The following C7 variants were observed in gnomAD, a reference collection of about 807,000 sequenced individuals.
C7 encodes the protein complement component C7.
A neutral mutation model predicts 104.8 loss-of-function variants in C7; 83 were observed. The ratio of observed to expected loss-of-function variants is 0.79; its 90% CI spans 0.66 to 0.95. The LOEUF (loss-of-function observed/expected upper bound fraction) is 0.95. Ranked by LOEUF, C7 falls within the 40% of genes least tolerant of loss-of-function variation. The pLI is 0.00. For missense variants in C7, 1,070 were observed against 1,011.2 expected, an observed-to-expected ratio of 1.06 and a Z score of -0.79; for synonymous variants, 415 against 360.6, an observed-to-expected ratio of 1.15 and a Z score of -1.71.
chr5:40,959,356 CT>C, intron 11 of C7, 92 bp from the exon 12 acceptor site: 1 of 1,132,612 alleles, frequency 8.8e-7, no homozygotes, highest in Non-Finnish European at 1.3e-6. Context: ...AGAATGATCT[CT>C]TCCTCCAATT....
At chr5:40,954,194 C>A (rs1361982067) in intron 9 of C7, among the ~76,000 whole-genome samples, 5 of 152,062 alleles carry the variant, frequency 3.3e-5, no homozygotes, top group African/African-American at 1.2e-4. Context: ...TGTTAGTATA[C>A]CAGATGCAAT....
intron 15 of C7, among the ~76,000 whole-genome samples, chr5:40,972,889 T>A (rs781457375): frequency 1.3e-5 from 2 of 152,244 alleles, no homozygotes; most frequent in African/African-American, 2.4e-5. Flanking sequence ...AAAGGATTTT[T>A]AAAATCTGTT....
At chr5:40,980,546 T>C (rs1740920525) in intron 17 of C7, among the ~76,000 whole-genome samples, 1 of 152,260 alleles carries the variant, frequency 6.6e-6, no homozygotes, top group African/African-American at 2.4e-5. Flanking sequence ...TAAGTAGTAC[T>C]TACAGTGATC....
chr5:40,965,131 C>T (rs185222551), intron 14 of C7, among the ~76,000 whole-genome samples: 5 of 152,292 alleles, frequency 3.3e-5, no homozygotes, highest in Admixed American at 3.3e-4. Context: ...AGGGAATTCT[C>T]TTTAGATGAA....
At position 40,979,797 on chromosome 5, in the gene C7, T is replaced by C; in HGVS notation, c.2238T>C (p.His746=). The part of the protein sequence containing the change: ...RILPLTVCKM[H]VLHCQGRNYT... ...TGCCTCTGACAGTTTGCAAGATGCA[T>C]GTTCTCCACTGTCAGGGTAGAAATT... The change falls in exon 17 of 18, where the codon CAT becomes CAC. Residue 746 remains histidine (H), a synonymous_variant. Transcript: ENST00000313164. 9.3e-6 allele frequency: 15 copies of C among 1,613,730 alleles called. No homozygotes were observed. The highest frequency in any genetic ancestry group is 1.3e-5 in the Non-Finnish European group (15 of 1,179,686).
chr5:40,978,797 T>C (rs949923053), intron 16 of C7, among the ~76,000 whole-genome samples: 1 of 151,744 alleles, frequency 6.6e-6, no homozygotes, highest in African/African-American at 2.4e-5. Context: ...TTTCTGATAG[T>C]GACATTTCTA....
At chr5:40,931,296 T>C (rs1033455306) in intron 3 of C7, among the ~76,000 whole-genome samples, 157 bp downstream of exon 3, 17 of 152,254 alleles carry the variant, frequency 1.1e-4, no homozygotes, top group Non-Finnish European at 7.3e-5. Context: ...ACTTGTTTAA[T>C]AATTAATATG....
chr5:40,946,642 G>A (rs2455311), intron 7 of C7, among the ~76,000 whole-genome samples: 71,370 of 151,938 alleles, frequency 0.47, 17,468 homozygotes, highest in African/African-American at 0.63. Flanking sequence ...ATACCTACAA[G>A]TCATTGTCAA....
In C7 at chr5:40,955,387, G is replaced by A. The variant is rs201524102; in HGVS notation, c.1094G>A (p.Gly365Glu). The A allele has an allele frequency of 2.5e-6, 4 of 1,596,342 alleles. No homozygotes were observed. The highest frequency in any genetic ancestry group is 2.3e-5 in the East Asian group (1 of 43,730). Residue 365 changes from glycine (G) to glutamate (E), a missense_variant and splice_region_variant, in exon 10 of 18, where the codon GGA (glycine) becomes GAA (glutamate). Coordinates refer to ENST00000313164, the MANE Select transcript of C7 (RefSeq NM_000587.4). ...ELENALKAASGTQNNVLRGEP... is the reference protein window; with the variant it reads ...ELENALKAASETQNNVLRGEP... ...TTTTCATTTGCTTTCTTCTGTATAG[G>A]AACCCAGAACAATGTATTGCGAGGA...
chr5:40,952,728 A>G (rs1161878824), intron 9 of C7, among the ~76,000 whole-genome samples: 1 of 151,310 alleles, frequency 6.6e-6, no homozygotes, highest in South Asian at 2.1e-4. Flanking sequence ...CCCACCTGTG[A>G]GTGAGAACAT....
chr5:40,983,385 C>G lies in C7; in HGVS notation c.*1812C>G, dbSNP rs1346567832. On this transcript the variant is annotated 3_prime_UTR_variant, in exon 18 of 18. Transcript: ENST00000313164. ...TAAATAATACAGAGGATATGGTCAGCATTATCACATATCATCAGAGATTGA... is the reference window on the plus strand; with the variant it reads ...TAAATAATACAGAGGATATGGTCAGGATTATCACATATCATCAGAGATTGA... Among the ~76,000 whole-genome samples, 1 of 152,090 alleles carries G rather than the reference C, an allele frequency of 6.6e-6. No individual in the cohort carries two copies. Among genetic ancestry groups the G allele is most frequent in the Non-Finnish European group, 1.5e-5 (1 of 68,030 alleles).
At chr5:40,954,343 T>C (rs577462786) in intron 9 of C7, among the ~76,000 whole-genome samples, 1 of 152,180 alleles carries the variant, frequency 6.6e-6, no homozygotes, top group Non-Finnish European at 1.5e-5. Flanking sequence ...CATATAATAT[T>C]GATAATATTG....
intron 1 of C7, among the ~76,000 whole-genome samples, chr5:40,915,255 A>C (rs1050343868): frequency 6.6e-6 from 1 of 152,042 alleles, no homozygotes; most frequent in Non-Finnish European, 1.5e-5. Context: ...ATTCTGTTTT[A>C]CTCTTGTCTC....
chr5:40,935,924 G>T (rs753473337), intron 4 of C7, among the ~76,000 whole-genome samples: 1 of 152,116 alleles, frequency 6.6e-6, no homozygotes, highest in Non-Finnish European at 1.5e-5. Context: ...TGATAAAATT[G>T]TCCGGCTCTT....
intron 1 of C7, among the ~76,000 whole-genome samples, chr5:40,917,933 T>A (rs185748678): frequency 2.6e-5 from 4 of 152,224 alleles, no homozygotes; most frequent in African/African-American, 7.2e-5. Flanking sequence ...AAATATAAAC[T>A]GTTTGACGGG....
At chr5:40,973,098 T>C (rs980034749) in intron 15 of C7, among the ~76,000 whole-genome samples, 1 of 152,162 alleles carries the variant, frequency 6.6e-6, no homozygotes. Flanking sequence ...AGGAAAAGTG[T>C]TGTGATTCAT....
At position 40,968,203 on chromosome 5, in the gene C7, G is replaced by A. The variant is rs370890162; in HGVS notation, c.1882+3330G>A. On this transcript the variant is annotated intron_variant, in intron 14 of 17. Coordinates refer to ENST00000313164, the MANE Select transcript of C7 (RefSeq NM_000587.4). ...TGCAGTGGTGCGATCTCGGCTCACT[G>A]CAACCTCCGCTTCCCAGGTTCAAAC... Among the ~76,000 whole-genome samples, 240 of 151,740 alleles carry A rather than the reference G, an allele frequency of 1.6e-3. 1 individual carries two copies. The highest frequency in any genetic ancestry group is 5.6e-3 in the African/African-American group (230 of 41,352).
At position 40,976,747 on chromosome 5, in the gene C7, T is replaced by C; in HGVS notation, c.2075-3T>C. The C allele has an allele frequency of 6.3e-7, 1 of 1,586,620 alleles. No homozygotes were observed. Among genetic ancestry groups the C allele is most frequent in the Non-Finnish European group, 8.6e-7 (1 of 1,165,094 alleles). Reference sequence around the variant, plus strand: ...CGACCACATCTCCCTTATCCTTTTTTAGAAAATCCGTTAACACAGGCAGTG... The same window carrying C: ...CGACCACATCTCCCTTATCCTTTTTCAGAAAATCCGTTAACACAGGCAGTG... On this transcript the variant is annotated splice_region_variant and splice_polypyrimidine_tract_variant and intron_variant, in intron 15 of 17. Transcript: ENST00000313164.
At position 40,949,929 on chromosome 5, in the gene C7, A is replaced by G. The variant is rs372352727; in HGVS notation, c.1008A>G (p.Lys336=). The G allele has an allele frequency of 3.6e-5, 57 of 1,595,242 alleles. 1 individual carries two copies. In the African/African-American group the frequency reaches 6.4e-4, roughly 18 times the overall value. ...QNDFNSVEEK[K]CKSSGWHFVV... ...ATTTTAATTCAGTCGAAGAAAAGAA[A>G]TGTAAATCCTCAGGTTGGCATTTTG... Residue 336 remains lysine (K), a synonymous_variant, in exon 9 of 18, where the codon AAA becomes AAG. Coordinates refer to ENST00000313164, the MANE Select transcript of C7 (RefSeq NM_000587.4).
Sources: allele counts gnomAD v4.1 joint callset (sites outside exome capture counted in the v4.1 genomes callset), GRCh38; gene constraint gnomAD v4.1.1; transcripts MANE v1.5; gene names NCBI Gene and HGNC (gene_info 2026-07-23, HGNC 2026-07-21).